The following ATP5MG variants were observed in gnomAD, a reference collection of about 807,000 sequenced individuals.
ATP5MG encodes ATP synthase membrane subunit g.
Under a neutral mutation model 12.7 loss-of-function variants are expected in ATP5MG, and 7 were observed. That is an observed-to-expected ratio of 0.55 (90% confidence interval 0.31 to 1.04). The LOEUF (loss-of-function observed/expected upper bound fraction) is 1.04. ATP5MG is among the 50% of genes least tolerant of loss of function. The probability of loss-of-function intolerance (pLI) is 0.05; values close to 1 mark genes in which losing one functional copy is unlikely to be tolerated. For missense variants in ATP5MG, 116 were observed against 126.7 expected, an observed-to-expected ratio of 0.92 and a Z score of 0.41; for synonymous variants, 53 against 48.2, an observed-to-expected ratio of 1.10 and a Z score of -0.41.
rs1486342883 is a variant in ATP5MG, at chr11:118,409,719, G to A, written c.*621G>A. 6.6e-6 allele frequency: 1 copy of A among 152,084 alleles called. No homozygotes were observed. The highest frequency in any genetic ancestry group is 1.5e-5 in the Non-Finnish European group (1 of 68,004). The allele number at this position is 152,084 out of a possible 1,614,324, so 9.4% of individuals were successfully genotyped here. A position where few individuals can be genotyped will look rare whatever the true frequency, so the allele number is the denominator to read the frequency against. On this transcript the variant is annotated 3_prime_UTR_variant, in exon 3 of 3. Transcript: ENST00000300688. ...AATCTGATTTTTATGTGTGTTATTC[G>A]TTTGTCTGGTTTTACTACCTTTGCA...
chr11:118,406,983 C>T lies in ATP5MG; in HGVS notation c.99C>T (p.Tyr33=), dbSNP rs782767043. Residue 33 remains tyrosine (Y), a synonymous_variant, in exon 2 of 3, where the codon TAC becomes TAT. Coordinates refer to ENST00000300688, the MANE Select transcript of ATP5MG (RefSeq NM_006476.5). ...CTCGATTGGCCACATTTTGGTACTA[C>T]GCCAAGGTTGAGCTGGTTCCTCCCA... The part of the protein sequence containing the change: ...SKPRLATFWY[Y]AKVELVPPTP... 20 of 1,613,602 alleles carry T rather than the reference C, an allele frequency of 1.2e-5. No individual in the cohort carries two copies. Among genetic ancestry groups the T allele is most frequent in the Admixed American group, 1.7e-5 (1 of 59,966 alleles).
intron 1 of ATP5MG, chr11:118,401,990 C>T (rs1275524755): frequency 4.6e-6 from 2 of 435,934 alleles, no homozygotes; most frequent in Admixed American, 8.0e-5. Context: ...CCCGGCGTTG[C>T]CCGGCAGCTG....
At position 118,409,114 on chromosome 11, in the gene ATP5MG, A is replaced by T. The variant is rs1420020421; in HGVS notation, c.*16A>T. 6.5e-7 allele frequency: 1 copy of T among 1,535,212 alleles called. No individual in the cohort carries two copies. The highest frequency in any genetic ancestry group is 1.2e-5 in the South Asian group (1 of 85,830). On this transcript the variant is annotated 3_prime_UTR_variant, in exon 3 of 3. Coordinates refer to ENST00000300688, the MANE Select transcript of ATP5MG (RefSeq NM_006476.5). ...TGATGTTTGAAGACCAATCTTTAAC[A>T]TCTGATTATATTTGATTTATTATTT...
chr11:118,405,631 T>C (rs1948965872), intron 1 of ATP5MG: 1 of 944,686 alleles, frequency 1.1e-6, no homozygotes, highest in Non-Finnish European at 1.3e-6. Flanking sequence ...AAGATTGTGC[T>C]TTTTTTTTAT....
intron 2 of ATP5MG, among the ~76,000 whole-genome samples, chr11:118,408,674 G>A (rs781911451): frequency 2.0e-5 from 3 of 152,064 alleles, no homozygotes; most frequent in Non-Finnish European, 4.4e-5. Context: ...TCCAGGATGT[G>A]GATTGTTTTA....
intron 1 of ATP5MG, among the ~76,000 whole-genome samples, chr11:118,404,973 C>T (rs1261051458): frequency 1.3e-5 from 2 of 152,170 alleles, no homozygotes; most frequent in East Asian, 1.9e-4. Context: ...TATTTGGGAG[C>T]TCTTTCAGGT....
chr11:118,406,907 T>G, intron 1 of ATP5MG, 30 bp from the exon 2 acceptor site: 1 of 1,562,232 alleles, frequency 6.4e-7, no homozygotes. Context: ...TTCATCCTGG[T>G]TTTTTGTTTT....
intron 2 of ATP5MG, among the ~76,000 whole-genome samples, chr11:118,407,948 G>A (rs1948986903): frequency 6.6e-6 from 1 of 152,114 alleles, no homozygotes; most frequent in African/African-American, 2.4e-5. Context: ...AGATCACGAG[G>A]TCAGGAGATC....
At chr11:118,403,247 G>A (rs1055388344) in intron 1 of ATP5MG, among the ~76,000 whole-genome samples, 1 of 152,180 alleles carries the variant, frequency 6.6e-6, no homozygotes, top group South Asian at 2.1e-4. Context: ...TGTAATCTCA[G>A]CACTTTGGGA....
At chr11:118,404,400 T>A (rs1386688603) in intron 1 of ATP5MG, among the ~76,000 whole-genome samples, 6 of 152,180 alleles carry the variant, frequency 3.9e-5, no homozygotes, top group Admixed American at 1.3e-4. Context: ...CTTCCCAATC[T>A]CCTCTGGTCT....
intron 1 of ATP5MG, among the ~76,000 whole-genome samples, chr11:118,403,133 G>A (rs1405780480): frequency 6.6e-6 from 1 of 152,204 alleles, no homozygotes; most frequent in Non-Finnish European, 1.5e-5. Context: ...TCATAAGCTT[G>A]CAAGAAAATC....
At chr11:118,404,724 C>T (rs1948957803) in intron 1 of ATP5MG, among the ~76,000 whole-genome samples, 1 of 152,138 alleles carries the variant, frequency 6.6e-6, no homozygotes, top group Non-Finnish European at 1.5e-5. Context: ...TTTTTCTCTC[C>T]GTGTTCTATT....
At chr11:118,406,484 T>G in intron 1 of ATP5MG, 1 of 173,308 alleles carries the variant, frequency 5.8e-6, no homozygotes, top group Non-Finnish European at 1.3e-5. Context: ...TATGATAACT[T>G]TTCATCTTGT....
Position 118,406,981 on chromosome 11 carries a change from TACGCCAA to T in ATP5MG, c.98_104del (p.Tyr33TrpfsTer19), listed in dbSNP as rs1948977580. 6.2e-7 allele frequency: 1 copy of T among 1,613,866 alleles called. No homozygotes were observed. Among genetic ancestry groups the T allele is most frequent in the Non-Finnish European group, 8.5e-7 (1 of 1,179,862 alleles). On this transcript the variant is annotated frameshift_variant, in exon 2 of 3. Transcript: ENST00000300688. LOFTEE classifies it high-confidence loss of function. ...GCCTCGATTGGCCACATTTTGGTAC[TACGCCAA>T]GGTTGAGCTGGTTCCTCCCACCCCT...
At chr11:118,403,778 C>T (rs373904590) in intron 1 of ATP5MG, 1 of 135,314 alleles carries the variant, frequency 7.4e-6, no homozygotes, top group African/African-American at 2.8e-5. Flanking sequence ...GGCGACAGAG[C>T]GAGACTCCGT....
Position 118,409,029 on chromosome 11 carries a change from T to C in ATP5MG, c.243T>C (p.Thr81=), listed in dbSNP as rs1948995629. ...KEAVLNGLVA[T]EVLMWFYVGE... is the part of the protein sequence containing the mutation. ...CTGTGCTGAATGGTTTGGTGGCCAC[T>C]GAGGTGTTGATGTGGTTTTATGTCG... is the stretch of plus-strand genomic sequence containing the variant. Residue 81 remains threonine (T), a synonymous_variant, in exon 3 of 3, where the codon ACT becomes ACC. Transcript: ENST00000300688. 6.2e-7 allele frequency: 1 copy of C among 1,605,446 alleles called. No homozygotes were observed. Among genetic ancestry groups the C allele is most frequent in the Non-Finnish European group, 8.5e-7 (1 of 1,175,892 alleles).
At position 118,401,927 on chromosome 11, in the gene ATP5MG, T is replaced by C; in HGVS notation, c.52+210T>C. The C allele has an allele frequency of 5.3e-6, 3 of 568,372 alleles. No individual in the cohort carries two copies. The South Asian group carries it at 7.2e-5, about 14-fold the overall frequency. 35.2% of individuals were successfully genotyped at this position (568,372 alleles called of 1,614,324 possible). On this transcript the variant is annotated intron_variant, in intron 1 of 2. Coordinates refer to ENST00000300688, the MANE Select transcript of ATP5MG (RefSeq NM_006476.5). ...TGCAGATTGGGTTCTCTACACAACC[T>C]AGAAGTTCCTGAATTCTAACCACGA...
At chr11:118,408,930 A>AATATAT (rs373160251) in intron 2 of ATP5MG, 70 bp from the exon 3 acceptor site, 7 of 411,742 alleles carry the variant, frequency 1.7e-5, no homozygotes, top group African/African-American at 9.0e-5. Flanking sequence ...AATAGTTTCA[A>AATATAT]ATATATATAT....
At chr11:118,403,583 G>A (rs1948948055) in intron 1 of ATP5MG, among the ~76,000 whole-genome samples, 1 of 152,044 alleles carries the variant, frequency 6.6e-6, no homozygotes, top group African/African-American at 2.4e-5. Context: ...ATTACCTGAG[G>A]TCAGGAGTTA....
Sources: allele counts gnomAD v4.1 joint callset (sites outside exome capture counted in the v4.1 genomes callset), GRCh38; gene constraint gnomAD v4.1.1; transcripts MANE v1.5; gene names NCBI Gene and HGNC (gene_info 2026-07-23, HGNC 2026-07-21).